The following CCDC201 variants were observed in gnomAD, a reference collection of about 807,000 sequenced individuals.
CCDC201 encodes the protein coiled-coil domain containing 201, also known as coiled-coil domain-containing protein 201.
intron 1 of CCDC201, among the ~76,000 whole-genome samples, chr7:45,867,706 C>G (rs1233720933): frequency 6.6e-6 from 1 of 152,202 alleles, no homozygotes; most frequent in African/African-American, 2.4e-5. Flanking sequence ...AGGGCTGCAC[C>G]TAGGAGTCCA....
At chr7:45,884,626 T>C in the CCDC201 span, among the ~76,000 whole-genome samples, 1 of 152,130 alleles carries the variant, frequency 6.6e-6, no homozygotes, top group Non-Finnish European at 1.5e-5. Context: ...CTGTCTGCTG[T>C]CATCCCACCA....
upstream of CCDC201, among the ~76,000 whole-genome samples, chr7:45,877,244 C>T (rs1472490574): frequency 6.6e-6 from 1 of 152,212 alleles, no homozygotes; most frequent in African/African-American, 2.4e-5. Flanking sequence ...CCCTTCTCTG[C>T]CCCCATTTCC....
upstream of CCDC201, among the ~76,000 whole-genome samples, chr7:45,874,841 G>T (rs1786782306): frequency 6.6e-6 from 1 of 152,216 alleles, no homozygotes; most frequent in South Asian, 2.1e-4. Context: ...GTGCAAGTTG[G>T]TGTGAATGTA....
chr7:45,863,382 C>T (rs1029314840), intron 2 of CCDC201, among the ~76,000 whole-genome samples: 9 of 152,000 alleles, frequency 5.9e-5, no homozygotes, highest in African/African-American at 9.7e-5. Flanking sequence ...TGGAGACAGA[C>T]GAGTGTATAG....
At chr7:45,867,589 G>A (rs142826624) in intron 1 of CCDC201, among the ~76,000 whole-genome samples, 1,872 of 152,294 alleles carry the variant, frequency 0.012, 40 homozygotes, top group African/African-American at 0.042. Context: ...TCCATTGCCT[G>A]GACAGAGCCA....
upstream of CCDC201, among the ~76,000 whole-genome samples, chr7:45,876,126 G>A (rs1004817272): frequency 1.3e-5 from 2 of 152,122 alleles, no homozygotes; most frequent in African/African-American, 4.8e-5. Context: ...GGGGTCAGAG[G>A]GCAGGAGAGA....
the CCDC201 span, among the ~76,000 whole-genome samples, chr7:45,883,995 TTTTC>T: frequency 1.8e-4 from 26 of 147,814 alleles, no homozygotes; most frequent in East Asian, 1.2e-3. Flanking sequence ...TTTTCTTTCT[TTTTC>T]TTTCTTTCTT....
intron 1 of CCDC201, among the ~76,000 whole-genome samples, chr7:45,867,371 G>A (rs138325175): frequency 1.3e-5 from 2 of 152,222 alleles, no homozygotes; most frequent in African/African-American, 4.8e-5. Context: ...AACAATTTCC[G>A]GCATTTATTT....
upstream of CCDC201, among the ~76,000 whole-genome samples, chr7:45,876,112 A>C (rs1182485407): frequency 2.0e-5 from 3 of 152,184 alleles, no homozygotes; most frequent in Admixed American, 6.5e-5. Flanking sequence ...TGTCCTGGTT[A>C]GAAGGGGTCA....
At chr7:45,868,811 C>G (rs1786709540) in intron 1 of CCDC201, among the ~76,000 whole-genome samples, 1 of 152,200 alleles carries the variant, frequency 6.6e-6, no homozygotes, top group Non-Finnish European at 1.5e-5. Flanking sequence ...GTGAATTCCT[C>G]TTGTTAAAGT....
chr7:45,874,483 G>T (rs1023236050), upstream of CCDC201, among the ~76,000 whole-genome samples: 3 of 152,154 alleles, frequency 2.0e-5, no homozygotes, highest in African/African-American at 7.2e-5. Flanking sequence ...TGAAACATCT[G>T]CACATAGGAA....
At chr7:45,884,100 T>C in the CCDC201 span, among the ~76,000 whole-genome samples, 2 of 117,748 alleles carry the variant, frequency 1.7e-5, no homozygotes, top group Non-Finnish European at 3.9e-5. Context: ...TTTCTTTCTC[T>C]CCTCTCTCTC....
chr7:45,868,220 A>G (rs1718212011), intron 1 of CCDC201, among the ~76,000 whole-genome samples: 1 of 152,138 alleles, frequency 6.6e-6, no homozygotes, highest in Non-Finnish European at 1.5e-5. Flanking sequence ...ATTTGGTGCT[A>G]GCTATTGGTG....
the CCDC201 span, among the ~76,000 whole-genome samples, chr7:45,882,357 C>T: frequency 6.6e-6 from 1 of 152,218 alleles, no homozygotes; most frequent in African/African-American, 2.4e-5. Context: ...GCAGTGCTTT[C>T]TTGTACCAGG....
the CCDC201 span, among the ~76,000 whole-genome samples, chr7:45,880,712 C>T: frequency 1.3e-5 from 2 of 152,236 alleles, no homozygotes; most frequent in Non-Finnish European, 2.9e-5. Context: ...GCCAGGGTCA[C>T]CTGTCCTTAG....
chr7:45,864,890 G>A (rs1402153854), intron 2 of CCDC201, among the ~76,000 whole-genome samples: 1 of 152,148 alleles, frequency 6.6e-6, no homozygotes, highest in Admixed American at 6.5e-5. Context: ...AAAGAACACA[G>A]AGCCCAAGGT....
chr7:45,880,526 T>A, the CCDC201 span, among the ~76,000 whole-genome samples: 1 of 152,170 alleles, frequency 6.6e-6, no homozygotes, highest in African/African-American at 2.4e-5. Flanking sequence ...ATGCTGGTGA[T>A]GGCACCCCAG....
chr7:45,863,768 C>T (rs542504578), intron 2 of CCDC201, among the ~76,000 whole-genome samples: 1 of 152,000 alleles, frequency 6.6e-6, no homozygotes, highest in African/African-American at 2.4e-5. Flanking sequence ...AATGGCAGGC[C>T]CACCATGGGT....
intron 1 of CCDC201, among the ~76,000 whole-genome samples, chr7:45,870,956 T>G (rs927047667): frequency 3.3e-5 from 5 of 152,206 alleles, no homozygotes; most frequent in Non-Finnish European, 7.3e-5. Context: ...ACTGGGACTT[T>G]TATCAAACAG....
Sources: gnomAD v4.1 joint callset for allele counts (sites outside exome capture counted in the v4.1 genomes callset) on GRCh38, gnomAD v4.1.1 for gene constraint, MANE v1.5 for transcripts, NCBI Gene and HGNC (gene_info 2026-07-23, HGNC 2026-07-21) for gene names.